The following ADAMTS3 variants were observed in gnomAD, a reference collection of about 807,000 sequenced individuals.
ADAMTS3 encodes the protein A disintegrin and metalloproteinase with thrombospondin motifs 3.
Under a neutral mutation model 129.0 loss-of-function variants are expected in ADAMTS3, and 73 were observed. The observed-to-expected ratio is 0.57, with a 90% CI of 0.47 to 0.69. The LOEUF is 0.69. Ranked by LOEUF, ADAMTS3 falls within the 30% of genes least tolerant of loss-of-function variation. The pLI is 0.00. For missense variants in ADAMTS3, 1,457 were observed against 1,514.5 expected, an observed-to-expected ratio of 0.96 and a Z score of 0.63; for synonymous variants, 477 against 510.8, an observed-to-expected ratio of 0.93 and a Z score of 0.89.
chr4:72,478,999 C>A lies in ADAMTS3; in HGVS notation c.505-64028G>T, dbSNP rs576294454. ...TCCTACTTACAAGGGACGTGAAGGA[C>A]CTCCTCAAGGAGAACTACAAACCAC... On this transcript the variant is annotated intron_variant, in intron 3 of 21. Coordinates refer to ENST00000286657, the MANE Select transcript of ADAMTS3 (RefSeq NM_014243.3). Among the ~76,000 whole-genome samples, 32 of 152,194 alleles carry A rather than the reference C, an allele frequency of 2.1e-4. No individual in the cohort carries two copies. The East Asian group carries it at 5.6e-3, about 27-fold the overall frequency.
intron 3 of ADAMTS3, among the ~76,000 whole-genome samples, chr4:72,460,146 C>CT (rs889876902): frequency 2.6e-5 from 4 of 151,478 alleles, no homozygotes; most frequent in African/African-American, 4.8e-5. Context: ...CCCGCCCCCA[C>CT]TTTTTTTACC....
chr4:72,371,946 G>T (rs1355990652), intron 4 of ADAMTS3, among the ~76,000 whole-genome samples: 2 of 151,656 alleles, frequency 1.3e-5, no homozygotes, highest in African/African-American at 4.8e-5. Context: ...CCAACATGAT[G>T]GAATTAACAA....
At position 72,312,306 on chromosome 4, in the gene ADAMTS3, A is replaced by G. The variant is rs771078910; in HGVS notation, c.1906T>C (p.Tyr636His). 1.2e-6 allele frequency: 2 copies of G among 1,613,514 alleles called. No individual in the cohort carries two copies. The highest frequency in any genetic ancestry group is 2.7e-5 in the African/African-American group (2 of 74,900). ...YQNTKHHWLP[Y>H]EHPDPKKRCH... Reference sequence around the variant, plus strand: ...GGCTACTCACGGTCAGGATGTTCATATGGCAACCAGTGGTGTTTGGTATTC... The same window carrying G: ...GGCTACTCACGGTCAGGATGTTCATGTGGCAACCAGTGGTGTTTGGTATTC... Residue 636 changes from tyrosine to histidine, a missense_variant, in exon 13 of 22, where the codon TAT becomes CAT. Coordinates refer to ENST00000286657, the MANE Select transcript of ADAMTS3 (RefSeq NM_014243.3).
intron 20 of ADAMTS3, among the ~76,000 whole-genome samples, chr4:72,290,561 T>C (rs1029197033): frequency 1.1e-4 from 16 of 152,292 alleles, no homozygotes; most frequent in Middle Eastern, 3.4e-3. Flanking sequence ...CTGCATTCAA[T>C]ATCAGGGGTT....
At chr4:72,520,151 C>T (rs111591319) in intron 3 of ADAMTS3, among the ~76,000 whole-genome samples, 5,566 of 152,270 alleles carry the variant, frequency 0.037, 121 homozygotes, top group Non-Finnish European at 0.048. Flanking sequence ...TGCAGAACAG[C>T]AGATTTTCGT....
chr4:72,520,064 C>G (rs1342990198), intron 3 of ADAMTS3, among the ~76,000 whole-genome samples: 1 of 152,190 alleles, frequency 6.6e-6, no homozygotes, highest in Non-Finnish European at 1.5e-5. Context: ...ACAGACAGGA[C>G]CCTCAGCTGC....
intron 3 of ADAMTS3, among the ~76,000 whole-genome samples, chr4:72,489,934 G>C (rs553725330): frequency 2.0e-5 from 3 of 151,668 alleles, no homozygotes; most frequent in Non-Finnish European, 4.4e-5. Flanking sequence ...TTTTTGAGGA[G>C]CCTCCATACT....
At chr4:72,559,636 T>TA (rs1560567684) in intron 2 of ADAMTS3, among the ~76,000 whole-genome samples, 1 of 151,010 alleles carries the variant, frequency 6.6e-6, no homozygotes, top group African/African-American at 2.5e-5. Context: ...AAAGTTTTTT[T>TA]AAAAAAAGAA....
At chr4:72,488,863 A>T (rs1016603359) in intron 3 of ADAMTS3, among the ~76,000 whole-genome samples, 1 of 151,920 alleles carries the variant, frequency 6.6e-6, no homozygotes, top group African/African-American at 2.4e-5. Flanking sequence ...TATAGTCACC[A>T]GAACTTAGAT....
intron 4 of ADAMTS3, among the ~76,000 whole-genome samples, chr4:72,341,694 C>T (rs1352335562): frequency 6.6e-6 from 1 of 152,178 alleles, no homozygotes; most frequent in Non-Finnish European, 1.5e-5. Context: ...AGGCTGAATA[C>T]TTATTTCAGA....
intron 4 of ADAMTS3, among the ~76,000 whole-genome samples, chr4:72,390,771 G>A (rs1721571774): frequency 1.3e-5 from 2 of 151,734 alleles, no homozygotes; most frequent in Non-Finnish European, 2.9e-5. Context: ...TTCCTAAGCT[G>A]TTCTATAAAT....
chr4:72,465,381 C>T (rs1718890708), intron 3 of ADAMTS3, among the ~76,000 whole-genome samples: 1 of 151,928 alleles, frequency 6.6e-6, no homozygotes, highest in Non-Finnish European at 1.5e-5. Flanking sequence ...GGCTAGAGGC[C>T]AGTCTTTACC....
At chr4:72,499,453 A>C (rs1370175595) in intron 3 of ADAMTS3, among the ~76,000 whole-genome samples, 1 of 152,162 alleles carries the variant, frequency 6.6e-6, no homozygotes, top group Non-Finnish European at 1.5e-5. Flanking sequence ...AAATTCCACT[A>C]AAAAATGATG....
At chr4:72,540,865 C>T (rs1270027594) in intron 3 of ADAMTS3, among the ~76,000 whole-genome samples, 3 of 152,214 alleles carry the variant, frequency 2.0e-5, no homozygotes, top group African/African-American at 4.8e-5. Context: ...GCCTGGATGT[C>T]CAGGCAGAAG....
At chr4:72,459,935 T>C (rs977930092) in intron 3 of ADAMTS3, among the ~76,000 whole-genome samples, 8 of 151,694 alleles carry the variant, frequency 5.3e-5, no homozygotes, top group Non-Finnish European at 1.0e-4. Context: ...ATTTTGTACA[T>C]GAAACAAAGT....
intron 4 of ADAMTS3, among the ~76,000 whole-genome samples, chr4:72,394,955 C>T (rs1206386180): frequency 6.7e-6 from 1 of 149,496 alleles, no homozygotes; most frequent in Non-Finnish European, 1.5e-5. Flanking sequence ...GATGGAGTTT[C>T]ACTCTTGTTG....
chr4:72,469,366 T>C (rs1376462971), intron 3 of ADAMTS3, among the ~76,000 whole-genome samples: 2 of 152,136 alleles, frequency 1.3e-5, no homozygotes, highest in Admixed American at 6.6e-5. Flanking sequence ...ATAGAAGTGA[T>C]GTTGTTTCAG....
At chr4:72,333,938 C>T (rs1033281986) in intron 5 of ADAMTS3, among the ~76,000 whole-genome samples, 2 of 134,664 alleles carry the variant, frequency 1.5e-5, no homozygotes, top group African/African-American at 5.5e-5. Flanking sequence ...CAAGCTCTGC[C>T]TCCAGGGTTT....
chr4:72,433,924 A>G (rs753844716), intron 3 of ADAMTS3, among the ~76,000 whole-genome samples: 10 of 151,962 alleles, frequency 6.6e-5, no homozygotes, highest in Non-Finnish European at 1.5e-4. Flanking sequence ...TATATTTTAT[A>G]GAATAGCTGC....
Sources: gnomAD v4.1 joint callset for allele counts (sites outside exome capture counted in the v4.1 genomes callset) on GRCh38, gnomAD v4.1.1 for gene constraint, MANE v1.5 for transcripts, NCBI Gene and HGNC (gene_info 2026-07-23, HGNC 2026-07-21) for gene names.